MARCHF1: variants seen among roughly 807,000 people sequenced by gnomAD.
MARCHF1 encodes membrane associated ring-CH-type finger 1.
In MARCHF1, 40 loss-of-function variants were observed where a neutral mutation model predicts 54.2. That is an observed-to-expected ratio of 0.74 (90% CI 0.57 to 0.96). The LOEUF is 0.96. Among genes scored for constraint, MARCHF1 ranks in the 40% least tolerant of loss-of-function variants. The pLI is 0.00. For missense variants in MARCHF1, 586 were observed against 656.5 expected (o/e 0.89, Z 1.17); for synonymous variants, 236 against 236.3 (o/e 1.00, Z 0.01).
intron 1 of MARCHF1, among the ~76,000 whole-genome samples, chr4:164,311,626 G>A (rs936520116): frequency 6.6e-6 from 1 of 152,056 alleles, no homozygotes; most frequent in African/African-American, 2.4e-5. Flanking sequence ...ATCATCTTGA[G>A]TCCTATTAAT....
At position 163,528,012 on chromosome 4, in the gene MARCHF1, G is replaced by A. The variant is rs1214981317; in HGVS notation, c.*736C>T. On this transcript the variant is annotated 3_prime_UTR_variant, in exon 10 of 10. Coordinates refer to ENST00000514618, the MANE Select transcript of MARCHF1 (RefSeq NM_001394959.1). ...TTCTATTGGACAGCACTGTATTAGA[G>A]GAACCAGATGAAAATAAATATAAGA... 6.6e-6 allele frequency: 1 copy of A among 152,442 alleles called. No individual in the cohort carries two copies. Among genetic ancestry groups the A allele is most frequent in the Non-Finnish European group, 1.5e-5 (1 of 67,956 alleles). 9.4% of individuals were successfully genotyped at this position (152,442 alleles called of 1,614,324 possible).
At chr4:164,042,319 A>T (rs1203827549) in intron 2 of MARCHF1, among the ~76,000 whole-genome samples, 1 of 152,206 alleles carries the variant, frequency 6.6e-6, no homozygotes, top group Non-Finnish European at 1.5e-5. Context: ...TAACTGACTC[A>T]CAGTTCCATA....
intron 3 of MARCHF1, among the ~76,000 whole-genome samples, chr4:163,982,698 T>C (rs1752787160): frequency 6.6e-6 from 1 of 152,170 alleles, no homozygotes; most frequent in Admixed American, 6.5e-5. Flanking sequence ...CTATTTTTTT[T>C]CTCTCTCTAT....
chr4:164,333,420 A>T (rs1219485182), intron 1 of MARCHF1, among the ~76,000 whole-genome samples: 1 of 152,162 alleles, frequency 6.6e-6, no homozygotes, highest in African/African-American at 2.4e-5. Context: ...TCTCTTTACC[A>T]CATTATGCTA....
At chr4:163,565,724 C>T (rs1739623738) in intron 8 of MARCHF1, among the ~76,000 whole-genome samples, 1 of 152,144 alleles carries the variant, frequency 6.6e-6, no homozygotes, top group Non-Finnish European at 1.5e-5. Flanking sequence ...TCCAGGAGTT[C>T]TTGCATATTC....
intron 1 of MARCHF1, among the ~76,000 whole-genome samples, chr4:164,375,968 A>G (rs1351304414): frequency 6.6e-6 from 1 of 152,182 alleles, no homozygotes; most frequent in East Asian, 1.9e-4. Context: ...CCCCTCTAAT[A>G]GGCTTCCCCA....
rs186017107 is a variant in MARCHF1 at position 164,166,431 on chromosome 4, T to C, written c.-322-54769A>G. ...TGAGGGTTTTTAGAAGACTTTGTAT[T>C]TGACAAAGTGCAGCATCCTTTCTTG... On this transcript the variant is annotated intron_variant, in intron 1 of 9. Coordinates refer to ENST00000514618, the MANE Select transcript of MARCHF1 (RefSeq NM_001394959.1). 3.3e-5 allele frequency among the ~76,000 whole-genome samples: 5 copies of C among 152,124 alleles called. No individual in the cohort carries two copies. In the East Asian group the frequency reaches 9.6e-4, roughly 29 times the overall value.
chr4:163,558,503 A>G (rs1010413842), intron 8 of MARCHF1, among the ~76,000 whole-genome samples: 2 of 152,132 alleles, frequency 1.3e-5, no homozygotes, highest in African/African-American at 4.8e-5. Flanking sequence ...GTCATTGCTG[A>G]AGTGACTGGA....
At chr4:163,736,947 A>C (rs1328163125) in intron 4 of MARCHF1, among the ~76,000 whole-genome samples, 2 of 151,954 alleles carry the variant, frequency 1.3e-5, no homozygotes, top group Admixed American at 6.6e-5. Context: ...AAGCCTAATA[A>C]ATTTATGATG....
intron 2 of MARCHF1, among the ~76,000 whole-genome samples, chr4:163,994,677 C>T (rs1316453547): frequency 6.7e-6 from 1 of 149,698 alleles, no homozygotes; most frequent in Non-Finnish European, 1.5e-5. Flanking sequence ...CAAAGTGTTT[C>T]CTGTATGATA....
chr4:163,753,037 C>T (rs1451407813), intron 4 of MARCHF1, among the ~76,000 whole-genome samples: 1 of 152,134 alleles, frequency 6.6e-6, no homozygotes, highest in African/African-American at 2.4e-5. Flanking sequence ...TGAACACACA[C>T]ATATACCCAT....
At chr4:163,962,886 T>A (rs1278501166) in intron 3 of MARCHF1, among the ~76,000 whole-genome samples, 1 of 151,890 alleles carries the variant, frequency 6.6e-6, no homozygotes, top group Non-Finnish European at 1.5e-5. Flanking sequence ...ATGACTTTTA[T>A]ATAAGGACAT....
intron 1 of MARCHF1, chr4:164,197,027 T>C: frequency 6.2e-7 from 1 of 1,605,432 alleles, no homozygotes; most frequent in Non-Finnish European, 8.5e-7. Context: ...TTCTGACCCC[T>C]TTCTTCTTCA....
intron 4 of MARCHF1, among the ~76,000 whole-genome samples, chr4:163,748,455 T>C (rs911955158): frequency 1.3e-5 from 2 of 150,590 alleles, no homozygotes; most frequent in African/African-American, 4.9e-5. Context: ...TAATTAAAGG[T>C]ATTGCATTGA....
intron 1 of MARCHF1, among the ~76,000 whole-genome samples, chr4:164,226,887 A>G (rs1052319321): frequency 1.3e-5 from 2 of 152,132 alleles, no homozygotes; most frequent in African/African-American, 4.8e-5. Context: ...TGAAAATACC[A>G]AAATGCAGGT....
intron 7 of MARCHF1, among the ~76,000 whole-genome samples, chr4:163,595,912 GT>G (rs373606656): frequency 1.1e-4 from 17 of 151,744 alleles, no homozygotes; most frequent in African/African-American, 3.9e-4. Flanking sequence ...CCTGTTAAGG[GT>G]TTTTTAACCA....
intron 4 of MARCHF1, among the ~76,000 whole-genome samples, chr4:163,768,335 T>A (rs1469527574): frequency 6.6e-6 from 1 of 152,210 alleles, no homozygotes; most frequent in Admixed American, 6.5e-5. Context: ...ACTTCGTCTC[T>A]TGTTGAAAAG....
At chr4:163,972,830 T>G (rs890913688) in intron 3 of MARCHF1, among the ~76,000 whole-genome samples, 1 of 152,082 alleles carries the variant, frequency 6.6e-6, no homozygotes, top group Non-Finnish European at 1.5e-5. Context: ...GTGCTGGGAT[T>G]ACAGGCGTGA....
At chr4:164,190,450 G>A in intron 1 of MARCHF1, 2 of 390,994 alleles carry the variant, frequency 5.1e-6, no homozygotes, top group East Asian at 9.0e-5. Context: ...CCTCAGAGTG[G>A]AGTTGAAAAT....
Sources: gnomAD v4.1 joint callset for allele counts (sites outside exome capture counted in the v4.1 genomes callset) on GRCh38, gnomAD v4.1.1 for gene constraint, MANE v1.5 for transcripts, NCBI Gene and HGNC (gene_info 2026-07-23, HGNC 2026-07-21) for gene names.